SYNE3: variants seen among roughly 807,000 people sequenced by gnomAD.
The protein encoded by SYNE3 is spectrin repeat containing nuclear envelope family member 3, also known as nesprin-3.
In SYNE3, 100 loss-of-function variants were observed where a neutral mutation model predicts 111.2. The ratio of observed to expected loss-of-function variants is 0.90; its 90% CI spans 0.77 to 1.06. The LOEUF (loss-of-function observed/expected upper bound fraction) is 1.06, where lower values mean the gene tolerates loss of function less well. SYNE3 is among the 50% of genes least tolerant of loss of function. The probability of loss-of-function intolerance (pLI) is 0.00; values close to 1 mark genes in which losing one functional copy is unlikely to be tolerated. For synonymous variants in SYNE3, 547 were observed against 533.9 expected (o/e 1.02, Z -0.34); for missense variants, 1,160 against 1,240.3 (o/e 0.94, Z 0.97).
At chr14:95,495,867 A>G (rs2887293) in intron 1 of SYNE3, among the ~76,000 whole-genome samples, 97,781 of 152,174 alleles carry the variant, frequency 0.64, 31,900 homozygotes, top group African/African-American at 0.76. Flanking sequence ...GAACAGTCCT[A>G]AGCCTGGGAC....
chr14:95,481,091 G>A (rs1379877092), intron 1 of SYNE3, among the ~76,000 whole-genome samples: 2 of 152,238 alleles, frequency 1.3e-5, no homozygotes, highest in African/African-American at 4.8e-5. Flanking sequence ...ATAGGTGCGT[G>A]GGGCACAGGA....
At position 95,452,372 on chromosome 14, in the gene SYNE3, C is replaced by T. The variant is rs749865382; in HGVS notation, c.1149G>A (p.Ala383=). 3.1e-6 allele frequency: 5 copies of T among 1,609,842 alleles called. No homozygotes were observed. The highest frequency in any genetic ancestry group is 1.1e-5 in the South Asian group (1 of 90,726). ...CCCGGGGCTCCTCCGAGGCCAGCGC[C>T]GCCCGTGTTGCCTGCAGCACATGAC... is the stretch of plus-strand genomic sequence containing the variant. The part of the protein sequence containing the change: ...AHWRRYSATR[A]ALASEEPRVD... The change falls in exon 7 of 18, where the codon GCG becomes GCA. Residue 383 remains alanine (A), a synonymous_variant. Transcript: ENST00000682763.
intron 1 of SYNE3, among the ~76,000 whole-genome samples, 177 bp from the exon 2 acceptor site, chr14:95,476,012 T>C (rs889252600): frequency 1.3e-5 from 2 of 152,220 alleles, no homozygotes; most frequent in Non-Finnish European, 2.9e-5. Context: ...AGGCAGGGAA[T>C]GAAAACAGGT....
At chr14:95,432,473 A>G (rs8014833) in intron 16 of SYNE3, among the ~76,000 whole-genome samples, 64,740 of 151,914 alleles carry the variant, frequency 0.43, 15,271 homozygotes, top group African/African-American at 0.64. Context: ...AGGGCCCTTA[A>G]GGGCCAGCTC....
rs1903323083 is a variant in SYNE3 at position 95,407,855 on chromosome 14, A to G, written c.*9971T>C. ...GAAACACACCATTCCAGCTACATGAACAGGTCAGTATCAGGTTAGTGTAAC... is the reference window on the plus strand; with the variant it reads ...GAAACACACCATTCCAGCTACATGAGCAGGTCAGTATCAGGTTAGTGTAAC... On this transcript the variant is annotated 3_prime_UTR_variant, in exon 18 of 18. Transcript: ENST00000682763. 3 of 152,108 alleles carry G rather than the reference A, an allele frequency of 2.0e-5. No individual in the cohort carries two copies. Among genetic ancestry groups the G allele is most frequent in the Admixed American group, 2.0e-4 (3 of 15,256 alleles). The allele number at this position is 152,108 out of a possible 1,614,324, so 9.4% of individuals were successfully genotyped here. A position where few individuals can be genotyped will look rare whatever the true frequency, so the allele number is the denominator to read the frequency against.
At chr14:95,475,886 C>A in intron 1 of SYNE3, 51 bp from the exon 2 acceptor site, 3 of 1,378,052 alleles carry the variant, frequency 2.2e-6, no homozygotes, top group African/African-American at 1.5e-5. Context: ...TAGGGGGCTG[C>A]AAAAAGACCC....
chr14:95,435,728 G>C (rs1886048617), intron 15 of SYNE3, among the ~76,000 whole-genome samples: 1 of 152,196 alleles, frequency 6.6e-6, no homozygotes, highest in Non-Finnish European at 1.5e-5. Flanking sequence ...ACATATCATG[G>C]TAAGATTGCA....
chr14:95,468,080 G>A, intron 2 of SYNE3, 113 bp from the exon 3 acceptor site: 1 of 1,252,774 alleles, frequency 8.0e-7, no homozygotes. Flanking sequence ...AGAGGATCTG[G>A]GATTCACATC....
intron 16 of SYNE3, among the ~76,000 whole-genome samples, chr14:95,432,540 T>C (rs2139373317): frequency 6.6e-6 from 1 of 152,294 alleles, no homozygotes; most frequent in Middle Eastern, 3.4e-3. Context: ...CTCAGTTTCC[T>C]CATTGGTTCA....
chr14:95,438,870 C>A, intron 14 of SYNE3, 163 bp downstream of exon 14: 2 of 990,376 alleles, frequency 2.0e-6, no homozygotes, highest in East Asian at 2.5e-5. Context: ...ATCAAATGCT[C>A]TTTGGCCACA....
At chr14:95,465,771 G>T (rs1172922568) in intron 4 of SYNE3, among the ~76,000 whole-genome samples, 160 bp downstream of exon 4, 1 of 152,096 alleles carries the variant, frequency 6.6e-6, no homozygotes, top group African/African-American at 2.4e-5. Context: ...TGGGAGGGTG[G>T]TTGGATAGTG....
chr14:95,454,254 G>A (rs1413396158), intron 6 of SYNE3, among the ~76,000 whole-genome samples: 2 of 152,256 alleles, frequency 1.3e-5, no homozygotes, highest in Admixed American at 6.5e-5. Flanking sequence ...TTCTAGAACT[G>A]GGAGCCTGAG....
In SYNE3 at chr14:95,500,111, C is replaced by T. The variant is rs576803378; in HGVS notation, c.-15+16485G>A. The stretch of plus-strand genomic sequence containing the variant: ...TTGACCTCAGGTGATCCACCCGCCT[C>T]GGCCTCCCAAAGTGCTGGGATTAAA... On this transcript the variant is annotated intron_variant, in intron 1 of 17. Transcript: ENST00000682763. The surrounding 1 kb of genome is among the most constrained non-coding windows in gnomAD (Gnocchi z 4.7). Among the ~76,000 whole-genome samples, 11 of 152,196 alleles carry T rather than the reference C, an allele frequency of 7.2e-5. No individual in the cohort carries two copies. The highest frequency in any genetic ancestry group is 2.1e-4 in the South Asian group (1 of 4,820).
intron 1 of SYNE3, among the ~76,000 whole-genome samples, chr14:95,513,735 G>GTTT (rs1890802039): frequency 2.2e-5 from 1 of 46,010 alleles, no homozygotes; most frequent in Non-Finnish European, 4.1e-5. Context: ...AGGCTGCTTA[G>GTTT]ATTATATATA....
chr14:95,499,475 C>G (rs1270505357), intron 1 of SYNE3, among the ~76,000 whole-genome samples: 1 of 152,158 alleles, frequency 6.6e-6, no homozygotes, highest in Non-Finnish European at 1.5e-5. Context: ...CTCTGCCCTT[C>G]TCTGCCTGGC....
At chr14:95,503,608 A>T (rs1248087726) in intron 1 of SYNE3, among the ~76,000 whole-genome samples, 5 of 116,050 alleles carry the variant, frequency 4.3e-5, no homozygotes, top group Non-Finnish European at 9.2e-5. Context: ...TTTCAGAACT[A>T]CCTTTTTTTT....
intron 10 of SYNE3, 38 bp downstream of exon 10, chr14:95,444,447 C>A: frequency 6.4e-7 from 1 of 1,556,284 alleles, no homozygotes; most frequent in Non-Finnish European, 8.7e-7. Context: ...CAGCTGAGCA[C>A]CTGGGCAGGA....
intron 1 of SYNE3, among the ~76,000 whole-genome samples, chr14:95,480,767 A>C (rs557706634): frequency 6.6e-6 from 1 of 152,310 alleles, no homozygotes; most frequent in Non-Finnish European, 1.5e-5. Flanking sequence ...AAACTGAAAA[A>C]AAAAAGGCCA....
intron 15 of SYNE3, among the ~76,000 whole-genome samples, 187 bp from the exon 16 acceptor site, chr14:95,433,596 T>C (rs1480253321): frequency 6.6e-6 from 1 of 152,220 alleles, no homozygotes; most frequent in African/African-American, 2.4e-5. Flanking sequence ...CTCTCAGGAA[T>C]GCTACAGGAT....
Sources: gnomAD v4.1 joint callset for allele counts (sites outside exome capture counted in the v4.1 genomes callset) on GRCh38, gnomAD v4.1.1 for gene constraint, Gnocchi (gnomAD v3.1) non-coding constraint, MANE v1.5 for transcripts, NCBI Gene and HGNC (gene_info 2026-07-23, HGNC 2026-07-21) for gene names.